The following GRIA1 variants were observed in gnomAD, a reference collection of about 807,000 sequenced individuals.
GRIA1 encodes glutamate receptor 1.
A neutral mutation model predicts 99.2 loss-of-function variants in GRIA1; 31 were observed. The ratio of observed to expected loss-of-function variants is 0.31; its 90% CI spans 0.23 to 0.42. GRIA1 has a LOEUF of 0.42. Among genes scored for constraint, GRIA1 ranks in the 10% least tolerant of loss-of-function variants. GRIA1 has a pLI of 1.00. For missense variants in GRIA1, 782 were observed against 1,157.5 expected, an observed-to-expected ratio of 0.68 and a Z score of 4.71; for synonymous variants, 438 against 432.4, an observed-to-expected ratio of 1.01 and a Z score of -0.16.
Position 153,490,853 on chromosome 5 carries a change from G to A in GRIA1, c.-36G>A. ...GGGGGAAACACCAAATCTATGATTG[G>A]ACCTGGGCTTCTTTTTCGCCAATGC... On this transcript the variant is annotated 5_prime_UTR_variant, in exon 1 of 16. Coordinates refer to ENST00000285900, the MANE Select transcript of GRIA1 (RefSeq NM_000827.4). 6.8e-7 allele frequency: 1 copy of A among 1,477,822 alleles called. No individual in the cohort carries two copies. Among genetic ancestry groups the A allele is most frequent in the East Asian group, 2.3e-5 (1 of 44,232 alleles). 91.5% of individuals were successfully genotyped at this position (1,477,822 alleles called of 1,614,324 possible).
intron 11 of GRIA1, among the ~76,000 whole-genome samples, chr5:153,720,422 G>T (rs1279849379): frequency 6.6e-6 from 1 of 152,150 alleles, no homozygotes; most frequent in Non-Finnish European, 1.5e-5. Flanking sequence ...CCCTTCAAGA[G>T]ATCTGAACAC....
intron 2 of GRIA1, among the ~76,000 whole-genome samples, chr5:153,540,110 C>T (rs1374608849): frequency 6.6e-6 from 1 of 152,158 alleles, no homozygotes; most frequent in Non-Finnish European, 1.5e-5. Context: ...TGCATTGTCC[C>T]CTCTGGAAAG....
chr5:153,620,838 T>C lies in GRIA1; in HGVS notation c.221-26090T>C, dbSNP rs1369846531. 2.6e-5 allele frequency among the ~76,000 whole-genome samples: 4 copies of C among 152,330 alleles called. No homozygotes were observed. The East Asian group carries it at 7.7e-4, about 29-fold the overall frequency. ...ACAATACCTCATTGCCTTCTGGAAG[T>C]TGTAGTTCCTACCCTAGTTCTGCCT... On this transcript the variant is annotated intron_variant, in intron 2 of 15. Coordinates refer to ENST00000285900, the MANE Select transcript of GRIA1 (RefSeq NM_000827.4).
At chr5:153,525,375 G>A (rs1209360310) in intron 2 of GRIA1, 4 of 151,842 alleles carry the variant, frequency 2.6e-5, no homozygotes, top group Admixed American at 6.6e-5. Context: ...TAATTATCTG[G>A]GCTAAAATGT....
chr5:153,524,384 G>A (rs2452801), intron 2 of GRIA1, among the ~76,000 whole-genome samples: 4 of 151,896 alleles, frequency 2.6e-5, no homozygotes, highest in East Asian at 1.9e-4. Flanking sequence ...ACAAACTTCC[G>A]AAATGATAGA....
At chr5:153,580,362 T>C (rs889331955) in intron 2 of GRIA1, among the ~76,000 whole-genome samples, 4 of 152,226 alleles carry the variant, frequency 2.6e-5, no homozygotes, top group Non-Finnish European at 4.4e-5. Context: ...AATCTTCAAG[T>C]TCATTTACCT....
chr5:153,719,506 G>A (rs540787712), intron 11 of GRIA1, among the ~76,000 whole-genome samples: 2 of 152,082 alleles, frequency 1.3e-5, no homozygotes, highest in African/African-American at 4.8e-5. Flanking sequence ...TGGCAGCCGA[G>A]GCTTTTGGCC....
intron 11 of GRIA1, among the ~76,000 whole-genome samples, chr5:153,725,576 A>G (rs1760458839): frequency 9.6e-6 from 1 of 104,220 alleles, no homozygotes; most frequent in Non-Finnish European, 1.9e-5. Flanking sequence ...AAAACAAAAA[A>G]AGGCAGGGGT....
At chr5:153,769,790 T>C (rs997374366) in intron 12 of GRIA1, among the ~76,000 whole-genome samples, 12 of 152,088 alleles carry the variant, frequency 7.9e-5, no homozygotes, top group African/African-American at 2.7e-4. Context: ...CAGATTCCAC[T>C]GATATTCAGC....
intron 2 of GRIA1, among the ~76,000 whole-genome samples, chr5:153,533,159 A>T (rs1431353446): frequency 6.6e-6 from 1 of 152,168 alleles, no homozygotes; most frequent in Admixed American, 6.5e-5. Context: ...TGCAGCTCCA[A>T]AGTTCTGTGA....
At chr5:153,663,320 A>G (rs1755509129) in intron 5 of GRIA1, among the ~76,000 whole-genome samples, 2 of 152,258 alleles carry the variant, frequency 1.3e-5, no homozygotes, top group Non-Finnish European at 2.9e-5. Flanking sequence ...CATTCTAAGG[A>G]TTAGGCTTGT....
intron 2 of GRIA1, among the ~76,000 whole-genome samples, chr5:153,523,016 A>ATATC (rs138535593): frequency 4.2e-5 from 6 of 141,556 alleles, no homozygotes; most frequent in African/African-American, 1.1e-4. Flanking sequence ...TGTTCCTGAT[A>ATATC]TCTCTCTCTC....
chr5:153,663,271 C>A (rs1755504040), intron 5 of GRIA1, among the ~76,000 whole-genome samples: 2 of 152,196 alleles, frequency 1.3e-5, no homozygotes, highest in Non-Finnish European at 1.5e-5. Flanking sequence ...TTTGTAAAGT[C>A]ATTTGACTAA....
At chr5:153,687,795 T>C (rs1454236499) in intron 8 of GRIA1, among the ~76,000 whole-genome samples, 1 of 152,216 alleles carries the variant, frequency 6.6e-6, no homozygotes, top group Non-Finnish European at 1.5e-5. Flanking sequence ...ATCTTCTACC[T>C]CACAGCCAAT....
At chr5:153,615,501 G>A (rs890641123) in intron 2 of GRIA1, among the ~76,000 whole-genome samples, 1 of 152,154 alleles carries the variant, frequency 6.6e-6, no homozygotes, top group Non-Finnish European at 1.5e-5. Context: ...AAAATCAGCT[G>A]AGCATGGTGG....
intron 5 of GRIA1, among the ~76,000 whole-genome samples, chr5:153,670,069 C>A (rs949411429): frequency 2.4e-4 from 36 of 152,176 alleles, no homozygotes; most frequent in African/African-American, 8.7e-4. Context: ...TGCAAAAGTG[C>A]CTCAAGGTAT....
At chr5:153,640,344 C>T (rs1445638878) in intron 2 of GRIA1, among the ~76,000 whole-genome samples, 1 of 152,210 alleles carries the variant, frequency 6.6e-6, no homozygotes, top group Non-Finnish European at 1.5e-5. Flanking sequence ...TCTTGTGAGT[C>T]TCAAATGAAT....
At chr5:153,773,620 C>G (rs778488583) in intron 13 of GRIA1, among the ~76,000 whole-genome samples, 1 of 152,146 alleles carries the variant, frequency 6.6e-6, no homozygotes, top group African/African-American at 2.4e-5. Context: ...TAATAAAAAA[C>G]TAATTCTTTT....
At chr5:153,616,348 A>C (rs898437222) in intron 2 of GRIA1, among the ~76,000 whole-genome samples, 8 of 152,090 alleles carry the variant, frequency 5.3e-5, no homozygotes, top group Non-Finnish European at 1.0e-4. Flanking sequence ...CTTGTTTCCC[A>C]TTAACTAGTC....
Sources: allele counts gnomAD v4.1 joint callset (sites outside exome capture counted in the v4.1 genomes callset), GRCh38; gene constraint gnomAD v4.1.1; transcripts MANE v1.5; gene names NCBI Gene and HGNC (gene_info 2026-07-23, HGNC 2026-07-21).